The following PRIM2 variants were observed in gnomAD, a reference collection of about 807,000 sequenced individuals.
PRIM2 encodes the protein DNA primase large subunit.
In PRIM2, 39 loss-of-function variants were observed where a neutral mutation model predicts 67.3. That is an observed-to-expected ratio of 0.58 (90% confidence interval 0.45 to 0.76). The LOEUF (loss-of-function observed/expected upper bound fraction) is 0.76, where lower values mean the gene tolerates loss of function less well. Ranked by LOEUF, PRIM2 falls within the 30% of genes least tolerant of loss-of-function variation. The pLI, the probability that PRIM2 is intolerant of heterozygous loss-of-function variation, is 0.00. For synonymous variants in PRIM2, 143 were observed against 198.7 expected, an observed-to-expected ratio of 0.72 and a Z score of 2.36; for missense variants, 398 against 598.7, an observed-to-expected ratio of 0.66 and a Z score of 3.50.
In PRIM2 at chr6:57,377,731, A is replaced by T. The variant is rs371046638; in HGVS notation, c.460-2170A>T. Among the ~76,000 whole-genome samples the T allele has an allele frequency of 3.3e-5, 5 of 151,158 alleles. No homozygotes were observed. The East Asian group carries it at 5.8e-4, about 18-fold the overall frequency. On this transcript the variant is annotated intron_variant, in intron 5 of 13. Transcript: ENST00000615550. The stretch of plus-strand genomic sequence containing the variant: ...AAATTTTTTTTGTCTATTTCTAGAA[A>T]TTTTTTTTTCTTTTTCCTCTTTTTC...
At chr6:57,553,975 A>G (rs1182017786) in intron 10 of PRIM2, among the ~76,000 whole-genome samples, 2 of 152,148 alleles carry the variant, frequency 1.3e-5, no homozygotes, top group South Asian at 4.1e-4. Flanking sequence ...TGTCTTTATT[A>G]ATAGGTCCTT....
At chr6:57,331,143 G>A (rs532461394) in intron 5 of PRIM2, among the ~76,000 whole-genome samples, 2 of 150,200 alleles carry the variant, frequency 1.3e-5, no homozygotes, top group South Asian at 2.1e-4. Flanking sequence ...AGCCGAGATC[G>A]TACCACTGCA....
chr6:57,441,402 C>T (rs917879618), intron 7 of PRIM2, among the ~76,000 whole-genome samples: 2 of 151,984 alleles, frequency 1.3e-5, no homozygotes, highest in African/African-American at 4.8e-5. Flanking sequence ...TTTTTATTTG[C>T]TTTTTCATAC....
intron 13 of PRIM2, among the ~76,000 whole-genome samples, chr6:57,638,798 G>A (rs1448386127): frequency 4.0e-5 from 6 of 151,898 alleles, no homozygotes; most frequent in Admixed American, 1.3e-4. Flanking sequence ...GTAGACACCC[G>A]CACAATAATA....
intron 5 of PRIM2, among the ~76,000 whole-genome samples, chr6:57,365,786 C>G (rs1769336045): frequency 4.6e-5 from 7 of 151,694 alleles, no homozygotes; most frequent in Non-Finnish European, 1.0e-4. Flanking sequence ...ATAATGAGAC[C>G]CGGTCTCTAC....
intron 10 of PRIM2, among the ~76,000 whole-genome samples, chr6:57,585,862 A>G (rs1202558425): frequency 3.9e-5 from 6 of 152,186 alleles, no homozygotes; most frequent in African/African-American, 1.4e-4. Flanking sequence ...TCAGCAATCT[A>G]AGTCCATCTT....
chr6:57,561,421 G>T (rs1209735759), intron 10 of PRIM2, among the ~76,000 whole-genome samples: 1 of 152,082 alleles, frequency 6.6e-6, no homozygotes, highest in Non-Finnish European at 1.5e-5. Flanking sequence ...TAGTAGAGAC[G>T]GGGTTTCACC....
intron 7 of PRIM2, among the ~76,000 whole-genome samples, chr6:57,493,136 T>C (rs1319505297): frequency 3.9e-5 from 6 of 152,176 alleles, no homozygotes; most frequent in Admixed American, 3.3e-4. Flanking sequence ...GAATCTCTCT[T>C]AGTTTTTCTT....
At chr6:57,248,099 G>A in the PRIM2 span, among the ~76,000 whole-genome samples, 1 of 152,200 alleles carries the variant, frequency 6.6e-6, no homozygotes, top group Admixed American at 6.5e-5. Flanking sequence ...ACATAGTCAT[G>A]TGGCGTAACC....
At chr6:57,247,197 G>A in the PRIM2 span, among the ~76,000 whole-genome samples, 1 of 152,126 alleles carries the variant, frequency 6.6e-6, no homozygotes, top group African/African-American at 2.4e-5. Flanking sequence ...AGTATCCATC[G>A]TCTTTCCTAC....
intron 7 of PRIM2, among the ~76,000 whole-genome samples, chr6:57,414,055 T>G (rs1317420981): frequency 6.6e-6 from 1 of 152,036 alleles, no homozygotes; most frequent in Non-Finnish European, 1.5e-5. Context: ...CTTCATTTAG[T>G]TAAGGGGGAA....
chr6:57,632,948 T>C (rs1252346480), intron 13 of PRIM2, among the ~76,000 whole-genome samples: 1 of 152,216 alleles, frequency 6.6e-6, no homozygotes, highest in Admixed American at 6.5e-5. Flanking sequence ...CCTGCTTGAT[T>C]ATTAGAGTAA....
the PRIM2 span, among the ~76,000 whole-genome samples, chr6:57,303,728 G>A: frequency 2.6e-5 from 4 of 152,130 alleles, no homozygotes; most frequent in Non-Finnish European, 5.9e-5. Flanking sequence ...TGATTCTCCT[G>A]CCTCAGCCTC....
chr6:57,287,869 G>A, the PRIM2 span, among the ~76,000 whole-genome samples: 10 of 152,220 alleles, frequency 6.6e-5, no homozygotes, highest in South Asian at 1.5e-3. Context: ...CACAGAAGAC[G>A]GGTGATTTCT....
the PRIM2 span, among the ~76,000 whole-genome samples, chr6:57,232,361 A>G: frequency 6.6e-6 from 1 of 152,064 alleles, no homozygotes; most frequent in African/African-American, 2.4e-5. Context: ...GACCAGCCTG[A>G]CCAATGTGGT....
intron 12 of PRIM2, among the ~76,000 whole-genome samples, chr6:57,614,851 AAT>A (rs1327651292): frequency 2.0e-5 from 3 of 150,900 alleles, no homozygotes. Context: ...CTCTGTCTCA[AAT>A]ATATATATAT....
chr6:57,250,282 T>C, the PRIM2 span, among the ~76,000 whole-genome samples: 1,570 of 152,308 alleles, frequency 0.01, 33 homozygotes, highest in African/African-American at 0.036. Context: ...TCTGGGAGTT[T>C]ATTCATTCAC....
At chr6:57,597,380 TC>T (rs1240676681) in intron 10 of PRIM2, among the ~76,000 whole-genome samples, 1 of 150,922 alleles carries the variant, frequency 6.6e-6, no homozygotes, top group East Asian at 1.9e-4. Flanking sequence ...GAGTCTTTTA[TC>T]CTCCTTAAAC....
chr6:57,621,936 G>T (rs1231959048), intron 12 of PRIM2, among the ~76,000 whole-genome samples: 3 of 151,792 alleles, frequency 2.0e-5, no homozygotes, highest in Admixed American at 6.6e-5. Context: ...ATGAATCTTG[G>T]TTGACAGTTT....
Sources: gnomAD v4.1 joint callset for allele counts (sites outside exome capture counted in the v4.1 genomes callset) on GRCh38, gnomAD v4.1.1 for gene constraint, MANE v1.5 for transcripts, NCBI Gene and HGNC (gene_info 2026-07-23, HGNC 2026-07-21) for gene names.